Variants in PCDHGA7 observed in about 807,000 individuals in gnomAD.
The protein encoded by PCDHGA7 is protocadherin gamma subfamily A, 7, also known as protocadherin gamma-A7.
PCDHGA7 carries 44 observed loss-of-function variants against 58.3 expected under a neutral mutation model. The ratio of observed to expected loss-of-function variants is 0.75; its 90% CI spans 0.59 to 0.97. PCDHGA7 has a LOEUF of 0.97. Ranked by LOEUF, PCDHGA7 falls within the 50% of genes least tolerant of loss-of-function variation. PCDHGA7 has a pLI of 0.00. For missense variants in PCDHGA7, 1,266 were observed against 1,188.7 expected (o/e 1.06, Z -0.96); for synonymous variants, 516 against 504.2 (o/e 1.02, Z -0.31).
intron 1 of PCDHGA7, chr5:141,409,355 A>G (rs778227478): frequency 6.2e-7 from 1 of 1,614,032 alleles, no homozygotes; most frequent in South Asian, 1.1e-5. Flanking sequence ...AGTCAGGTGT[A>G]ATATAGAAAC....
intron 1 of PCDHGA7, among the ~76,000 whole-genome samples, chr5:141,447,978 C>T (rs759162070): frequency 1.1e-4 from 17 of 151,694 alleles, no homozygotes; most frequent in East Asian, 3.9e-4. Flanking sequence ...CCCAGCTACT[C>T]GGGAGGCTGA....
chr5:141,501,374 T>A (rs2099808767), intron 2 of PCDHGA7, among the ~76,000 whole-genome samples: 1 of 151,106 alleles, frequency 6.6e-6, no homozygotes. Context: ...CATCATCTCT[T>A]AAATCCTAGG....
chr5:141,390,446 G>A, intron 1 of PCDHGA7: 1 of 862,526 alleles, frequency 1.2e-6, no homozygotes, highest in Non-Finnish European at 1.7e-6. Context: ...CTACAAAGGA[G>A]GAGTAAAGTA....
At chr5:141,387,600 A>T (rs1033182750) in intron 1 of PCDHGA7, 3 of 541,478 alleles carry the variant, frequency 5.5e-6, no homozygotes, top group Admixed American at 7.3e-5. Context: ...GAAGCAGCAG[A>T]GGCTGTAGTT....
chr5:141,505,267 A>G (rs2099845018), intron 2 of PCDHGA7, 126 bp from the exon 3 acceptor site: 1 of 1,514,640 alleles, frequency 6.6e-7, no homozygotes, highest in Admixed American at 2.0e-5. Flanking sequence ...TACCTTGCTG[A>G]GAGAAACAGG....
At chr5:141,478,940 T>C in intron 1 of PCDHGA7, 2 of 584,636 alleles carry the variant, frequency 3.4e-6, no homozygotes, top group South Asian at 2.7e-5. Flanking sequence ...CTTCTAGGAA[T>C]ACAAAAACTA....
rs781591902 is a variant in PCDHGA7, at chr5:141,477,086, G to A, written c.2425-17721G>A. The A allele has an allele frequency of 1.1e-5, 18 of 1,614,128 alleles. No individual in the cohort carries two copies. In the East Asian group the frequency reaches 3.8e-4, roughly 34 times the overall value. The stretch of plus-strand genomic sequence containing the variant: ...CAAACTCCATGAGATTTACATCCAG[G>A]CCAAAGACAAGGGCGCCAATCCCGA... On this transcript the variant is annotated intron_variant, in intron 1 of 3. Coordinates refer to ENST00000518325, the MANE Select transcript of PCDHGA7 (RefSeq NM_018920.4). The surrounding 1 kb of genome is among the most constrained non-coding windows in gnomAD (Gnocchi z 4.9).
In PCDHGA7 at chr5:141,491,665, C is replaced by A; in HGVS notation, c.2425-3142C>A. 1 of 1,613,764 alleles carries A rather than the reference C, an allele frequency of 6.2e-7. No individual in the cohort carries two copies. Among genetic ancestry groups the A allele is most frequent in the Admixed American group, 1.7e-5 (1 of 60,034 alleles). On this transcript the variant is annotated intron_variant, in intron 1 of 3. Coordinates refer to ENST00000518325, the MANE Select transcript of PCDHGA7 (RefSeq NM_018920.4). The surrounding 1 kb of genome is among the most constrained non-coding windows in gnomAD (Gnocchi z 6.9). ...TCTGGCGCTGGAGCCTGACGCCATCCGGTCCCGCTCTAATACGCTGCGGGA... is the reference window on the plus strand; with the variant it reads ...TCTGGCGCTGGAGCCTGACGCCATCAGGTCCCGCTCTAATACGCTGCGGGA...
At chr5:141,394,459 G>T (rs761612403) in intron 1 of PCDHGA7, 1 of 1,614,238 alleles carries the variant, frequency 6.2e-7, no homozygotes, top group Non-Finnish European at 8.5e-7. Context: ...ATGTCACTGA[G>T]CCTGTTCGTG....
In PCDHGA7 at chr5:141,384,491, G is replaced by A. The variant is rs1370590293; in HGVS notation, c.1592G>A (p.Arg531Lys). The change falls in exon 1 of 4, where the codon AGA becomes AAA. Residue 531 changes from arginine (R) to lysine (K), a missense_variant. Arg to Lys is a conservative substitution (Grantham distance 26). Transcript: ENST00000518325. ...GAGCAGTTGAGAGAACTACAACTAAGAGTGACTGCACATGACAGCGGGGAC... is the reference window on the plus strand; with the variant it reads ...GAGCAGTTGAGAGAACTACAACTAAAAGTGACTGCACATGACAGCGGGGAC... ...DYEQLRELQL[R>K]VTAHDSGDPP... 7 of 1,614,160 alleles carry A rather than the reference G, an allele frequency of 4.3e-6. No homozygotes were observed. The highest frequency in any genetic ancestry group is 4.5e-5 in the East Asian group (2 of 44,892).
intron 1 of PCDHGA7, chr5:141,441,855 G>T (rs1210416963): frequency 2.8e-6 from 1 of 351,872 alleles, no homozygotes; most frequent in Admixed American, 4.0e-5. Context: ...ATATGGTGCT[G>T]CACGCCGCGG....
intron 1 of PCDHGA7, among the ~76,000 whole-genome samples, chr5:141,451,403 G>A (rs2154563571): frequency 6.6e-6 from 1 of 152,288 alleles, no homozygotes; most frequent in South Asian, 2.1e-4. Context: ...GCAAAATTAA[G>A]TTCCTTGTGG....
At chr5:141,495,804 T>G (rs894259635) in intron 2 of PCDHGA7, among the ~76,000 whole-genome samples, 1 of 152,168 alleles carries the variant, frequency 6.6e-6, no homozygotes, top group South Asian at 2.1e-4. Flanking sequence ...TTTCACCGTT[T>G]CCTAGCGCCT....
At position 141,493,323 on chromosome 5, in the gene PCDHGA7, C is replaced by T. The variant is rs542332335; in HGVS notation, c.2425-1484C>T. Among the ~76,000 whole-genome samples the T allele has an allele frequency of 6.6e-6, 1 of 152,294 alleles. No homozygotes were observed. The highest frequency in any genetic ancestry group is 6.5e-5 in the Admixed American group (1 of 15,300). On this transcript the variant is annotated intron_variant, in intron 1 of 3. Transcript: ENST00000518325. The surrounding 1 kb of genome is among the most constrained non-coding windows in gnomAD (Gnocchi z 4.3). ...AGAGCAAGTAAGAGAGATTCTAACC[C>T]CTGTCTAACTCCAGAATGTGTGCTT...
intron 1 of PCDHGA7, chr5:141,392,664 C>CT (rs530587453): frequency 1.2e-6 from 1 of 817,260 alleles, no homozygotes; most frequent in South Asian, 2.1e-5. Flanking sequence ...ATGCCACAAA[C>CT]TAACTGCTGG....
chr5:141,466,885 G>A (rs997982577), intron 1 of PCDHGA7, among the ~76,000 whole-genome samples: 3 of 151,938 alleles, frequency 2.0e-5, no homozygotes, highest in Non-Finnish European at 4.4e-5. Context: ...TTCATAATAT[G>A]CATTTTCCAT....
At chr5:141,483,242 C>T (rs2099578681) in intron 1 of PCDHGA7, among the ~76,000 whole-genome samples, 1 of 151,558 alleles carries the variant, frequency 6.6e-6, no homozygotes, top group African/African-American at 2.4e-5. Flanking sequence ...AACTGATATG[C>T]ATATATCATG....
chr5:141,399,055 G>C, intron 1 of PCDHGA7: 1 of 1,613,844 alleles, frequency 6.2e-7, no homozygotes, highest in Non-Finnish European at 8.5e-7. Context: ...AGAGACCAAG[G>C]AATATTCAAT....
intron 1 of PCDHGA7, chr5:141,418,245 A>G: frequency 5.6e-6 from 9 of 1,614,046 alleles, no homozygotes; most frequent in Non-Finnish European, 7.6e-6. Flanking sequence ...GTTAATGACC[A>G]CGCCCCTCAA....
Sources: allele counts gnomAD v4.1 joint callset (sites outside exome capture counted in the v4.1 genomes callset), GRCh38; gene constraint gnomAD v4.1.1; non-coding constraint Gnocchi (gnomAD v3.1); transcripts MANE v1.5; gene names NCBI Gene and HGNC (gene_info 2026-07-23, HGNC 2026-07-21).